The following IGSF10 variants were observed in gnomAD, a reference collection of about 807,000 sequenced individuals.
IGSF10 encodes the protein calvaria mechanical force protein 608.
In IGSF10, 126 loss-of-function variants were observed where a neutral mutation model predicts 128.2. The ratio of observed to expected loss-of-function variants is 0.98; its 90% CI spans 0.85 to 1.14. The LOEUF is 1.14. IGSF10 is among the 50% of genes most tolerant of loss of function. The pLI is 0.00. For missense variants in IGSF10, 3,295 were observed against 3,149.8 expected (o/e 1.05, Z -1.10); for synonymous variants, 1,185 against 1,146.2 (o/e 1.03, Z -0.68).
chr3:151,445,263 T>G lies in IGSF10; in HGVS notation c.4718A>C (p.Asn1573Thr), dbSNP rs765964004. The G allele has an allele frequency of 1.9e-6, 3 of 1,614,178 alleles. No individual in the cohort carries two copies. The highest frequency in any genetic ancestry group is 2.5e-6 in the Non-Finnish European group (3 of 1,180,026). ...SKLTPSPWAE[N>T]QFWHKPYSEI... ...TGAGTATGGTTTGTGCCAAAATTGG[T>G]TTTCTGCCCAGGGAGATGGAGTTAA... Residue 1573 changes from asparagine (N) to threonine (T), a missense_variant, in exon 6 of 8, where the codon AAC becomes ACC. Physicochemically the swap from Asn to Thr is moderately conservative, Grantham distance 65. Transcript: ENST00000282466.
At position 151,437,618 on chromosome 3, in the gene IGSF10, C is replaced by A; in HGVS notation, c.6943G>T (p.Ala2315Ser). ...LSDSADFICV[A>S]RNEGGESVLV... ...ACGCTCTCTCCACCTTCATTTCGGG[C>A]CACACAGATAAAGTCGGCTGAATCT... Residue 2315 changes from alanine (A) to serine (S), a missense_variant, in exon 8 of 8, where the codon GCC (alanine) becomes TCC (serine). Ala to Ser is a moderately conservative substitution (Grantham distance 99, BLOSUM62 1). Transcript: ENST00000282466. 6.2e-7 allele frequency: 1 copy of A among 1,614,168 alleles called. No homozygotes were observed. Among genetic ancestry groups the A allele is most frequent in the Non-Finnish European group, 8.5e-7 (1 of 1,180,032 alleles).
intron 4 of IGSF10, 32 bp from the exon 5 acceptor site, chr3:151,453,806 T>C: frequency 7.4e-7 from 1 of 1,350,948 alleles, no homozygotes; most frequent in Non-Finnish European, 1.0e-6. Flanking sequence ...ATATTTATGT[T>C]GTCAAAGGAA....
chr3:151,606,407 T>C, the IGSF10 span, among the ~76,000 whole-genome samples: 2 of 152,138 alleles, frequency 1.3e-5, no homozygotes, highest in Non-Finnish European at 2.9e-5. Flanking sequence ...GTAAGATCAT[T>C]GTTTAGGATT....
At chr3:151,540,854 G>A in the IGSF10 span, among the ~76,000 whole-genome samples, 2 of 152,142 alleles carry the variant, frequency 1.3e-5, no homozygotes, top group Non-Finnish European at 2.9e-5. Context: ...ACCTTGCATG[G>A]CAAAAGGAAC....
chr3:151,618,112 C>A, the IGSF10 span, among the ~76,000 whole-genome samples: 2 of 152,012 alleles, frequency 1.3e-5, no homozygotes, highest in African/African-American at 4.8e-5. Context: ...GGTAATGAAA[C>A]CCTTATTAAT....
the IGSF10 span, among the ~76,000 whole-genome samples, chr3:151,574,189 T>C: frequency 6.6e-5 from 10 of 152,196 alleles, no homozygotes; most frequent in Non-Finnish European, 1.3e-4. Flanking sequence ...CTGACAATTA[T>C]GTGTCTTGGG....
the IGSF10 span, among the ~76,000 whole-genome samples, chr3:151,488,417 A>G: frequency 3.9e-5 from 6 of 152,216 alleles, no homozygotes; most frequent in South Asian, 2.1e-4. Context: ...TATAGATTCA[A>G]TGCTATCCCC....
chr3:151,441,707 A>G (rs905131231), intron 7 of IGSF10, among the ~76,000 whole-genome samples: 11 of 152,188 alleles, frequency 7.2e-5, no homozygotes, highest in Non-Finnish European at 1.6e-4. Context: ...GCAAAAAAAA[A>G]CCTCATAAGC....
At chr3:151,534,716 A>G in the IGSF10 span, among the ~76,000 whole-genome samples, 7 of 152,010 alleles carry the variant, frequency 4.6e-5, no homozygotes, top group African/African-American at 1.7e-4. Flanking sequence ...TGACGGGTCA[A>G]TGGGTACAGC....
At chr3:151,560,258 C>A in the IGSF10 span, among the ~76,000 whole-genome samples, 1 of 152,008 alleles carries the variant, frequency 6.6e-6, no homozygotes, top group African/African-American at 2.4e-5. Flanking sequence ...GTTCCTATGA[C>A]AACTTTTATC....
chr3:151,436,451 T>TTA lies in IGSF10; in HGVS notation c.*236_*237dup, dbSNP rs1720227710. 2.6e-6 allele frequency: 1 copy of TTA among 385,848 alleles called. No individual in the cohort carries two copies. The highest frequency in any genetic ancestry group is 4.6e-6 in the Non-Finnish European group (1 of 216,524). 23.9% of individuals were successfully genotyped at this position (385,848 alleles called of 1,614,324 possible). ...GAACCGTTTCAATGTTTGTTTATTGTTATTTGTTGGCAAAATAAAAGTGCC... is the reference window on the plus strand; with the variant it reads ...GAACCGTTTCAATGTTTGTTTATTGTTATATTTGTTGGCAAAATAAAAGTGCC... On this transcript the variant is annotated 3_prime_UTR_variant, in exon 8 of 8. Transcript: ENST00000282466.
chr3:151,540,146 AT>A, the IGSF10 span, among the ~76,000 whole-genome samples: 4 of 152,160 alleles, frequency 2.6e-5, no homozygotes, highest in Non-Finnish European at 4.4e-5. Flanking sequence ...CATAATTTAA[AT>A]TTTTTAATAG....
chr3:151,470,772 G>C, the IGSF10 span, among the ~76,000 whole-genome samples: 1 of 151,370 alleles, frequency 6.6e-6, no homozygotes, highest in Non-Finnish European at 1.5e-5. Flanking sequence ...GGCCAAACTG[G>C]TAGAAACTTC....
chr3:151,536,027 T>C, the IGSF10 span, among the ~76,000 whole-genome samples: 1 of 152,136 alleles, frequency 6.6e-6, no homozygotes. Context: ...AGTCTTCATA[T>C]TCTTTGGAAG....
the IGSF10 span, among the ~76,000 whole-genome samples, chr3:151,583,420 C>T: frequency 6.6e-6 from 1 of 152,184 alleles, no homozygotes; most frequent in Non-Finnish European, 1.5e-5. Context: ...TTTTAGTACA[C>T]ATTTTTATTA....
rs56389847 is a variant in IGSF10, at chr3:151,441,832, C to T, written c.5963+1152G>A. Among the ~76,000 whole-genome samples the T allele has an allele frequency of 8.0e-4, 122 of 152,246 alleles. 3 individuals carry two copies. In the East Asian group the frequency reaches 8.1e-3, roughly 10 times the overall value. ...ATCCCAGCACTTTGGGAGGCTAAGGCGGGCAGATCACGAGGTCAGGAGATC... is the reference window on the plus strand; with the variant it reads ...ATCCCAGCACTTTGGGAGGCTAAGGTGGGCAGATCACGAGGTCAGGAGATC... On this transcript the variant is annotated intron_variant, in intron 7 of 7. Transcript: ENST00000282466.
chr3:151,461,427 A>G, upstream of IGSF10: 3 of 984,620 alleles, frequency 3.0e-6, no homozygotes, highest in Non-Finnish European at 3.6e-6. Context: ...GACCTGTGAT[A>G]CCTGCAGTGT....
At chr3:151,483,132 T>G in the IGSF10 span, among the ~76,000 whole-genome samples, 1 of 152,120 alleles carries the variant, frequency 6.6e-6, no homozygotes, top group Non-Finnish European at 1.5e-5. Context: ...AGAGATAAAT[T>G]TAGAGTCAAA....
At chr3:151,586,651 A>T in the IGSF10 span, among the ~76,000 whole-genome samples, 1 of 152,214 alleles carries the variant, frequency 6.6e-6, no homozygotes, top group Non-Finnish European at 1.5e-5. Flanking sequence ...TCATTTCTGC[A>T]TATGACTTTT....
Sources: gnomAD v4.1 joint callset for allele counts (sites outside exome capture counted in the v4.1 genomes callset) on GRCh38, gnomAD v4.1.1 for gene constraint, MANE v1.5 for transcripts, NCBI Gene and HGNC (gene_info 2026-07-23, HGNC 2026-07-21) for gene names.